The following PSMD6 variants were observed in gnomAD, a reference collection of about 807,000 sequenced individuals.
PSMD6 encodes the protein proteasome 26S subunit, non-ATPase 6.
A neutral mutation model predicts 44.9 loss-of-function variants in PSMD6; 7 were observed. The ratio of observed to expected loss-of-function variants is 0.16; its 90% CI spans 0.09 to 0.29. The LOEUF (loss-of-function observed/expected upper bound fraction) is 0.29, where lower values mean the gene tolerates loss of function less well. Ranked by LOEUF, PSMD6 falls within the 10% of genes least tolerant of loss-of-function variation. PSMD6 has a pLI of 1.00. For missense variants in PSMD6, 420 were observed against 482.6 expected (o/e 0.87, Z 1.21); for synonymous variants, 184 against 172.7 (o/e 1.07, Z -0.51).
chr3:64,023,816 G>GGAC, upstream of PSMD6: 1 of 1,479,222 alleles, frequency 6.8e-7, no homozygotes, highest in Non-Finnish European at 9.1e-7. Flanking sequence ...ATAGTTTGTC[G>GGAC]AGTCGTTACT....
chr3:64,010,990 T>TA, intron 6 of PSMD6, 35 bp from the exon 7 acceptor site: 2 of 1,506,262 alleles, frequency 1.3e-6, no homozygotes, highest in South Asian at 2.4e-5. Flanking sequence ...GAATTAGCTT[T>TA]ATAGAAAATT....
intron 2 of PSMD6, 172 bp from the exon 3 acceptor site, chr3:64,019,613 A>T (rs1202865975): frequency 1.4e-5 from 8 of 572,450 alleles, no homozygotes; most frequent in Non-Finnish European, 8.6e-6. Context: ...ACAAGGGTTT[A>T]TTATTCTACT....
intron 6 of PSMD6, chr3:64,011,825 C>T (rs565999558): frequency 6.6e-6 from 1 of 152,374 alleles, no homozygotes; most frequent in African/African-American, 2.4e-5. Flanking sequence ...GTAACCTGAC[C>T]AAGGCCACAG....
intron 5 of PSMD6, 144 bp downstream of exon 5, chr3:64,018,455 G>T: frequency 1.7e-6 from 1 of 594,784 alleles, no homozygotes; most frequent in Non-Finnish European, 2.9e-6. Flanking sequence ...ACAAAACTGG[G>T]CACATTAGGA....
intron 1 of PSMD6, 44 bp from the exon 2 acceptor site, chr3:64,022,567 C>T (rs773642047): frequency 6.2e-7 from 1 of 1,609,110 alleles, no homozygotes; most frequent in South Asian, 1.1e-5. Flanking sequence ...ACACTTGTGC[C>T]CTCAAGTCAA....
intron 2 of PSMD6, among the ~76,000 whole-genome samples, chr3:64,021,014 T>A (rs1206628910): frequency 6.6e-6 from 1 of 152,046 alleles, no homozygotes. Context: ...TCTGGTGCCC[T>A]GATGGTGGAG....
At chr3:64,023,593 G>C (rs550059058), upstream of PSMD6, 1 of 1,411,260 alleles carries the variant, frequency 7.1e-7, no homozygotes, top group African/African-American at 1.5e-5. Context: ...CCCGGCCTGG[G>C]CGCCTGCGCC....
At chr3:64,020,689 T>C (rs1280448823) in intron 2 of PSMD6, among the ~76,000 whole-genome samples, 1 of 152,228 alleles carries the variant, frequency 6.6e-6, no homozygotes. Context: ...AGGCACTTAC[T>C]ATGTGCTAGG....
At chr3:64,023,590 T>C (rs1452233606), upstream of PSMD6, 3 of 1,412,712 alleles carry the variant, frequency 2.1e-6, no homozygotes, top group Non-Finnish European at 2.8e-6. Flanking sequence ...TCACCCGGCC[T>C]GGGCGCCTGC....
chr3:64,012,163 G>A (rs1027846904), intron 6 of PSMD6: 1 of 134,398 alleles, frequency 7.4e-6, no homozygotes, highest in Non-Finnish European at 1.6e-5. Flanking sequence ...ATGTTAAAAT[G>A]TACTGTACAA....
At chr3:64,023,889 G>A, upstream of PSMD6, 2 of 1,399,706 alleles carry the variant, frequency 1.4e-6, no homozygotes, top group Non-Finnish European at 1.9e-6. Flanking sequence ...TATTTAGTAG[G>A]TAAGACAAAT....
At chr3:64,020,079 T>C (rs1195841645) in intron 2 of PSMD6, among the ~76,000 whole-genome samples, 1 of 152,228 alleles carries the variant, frequency 6.6e-6, no homozygotes, top group East Asian at 1.9e-4. Flanking sequence ...CCAGGGATCC[T>C]AGGAGAAATA....
intron 6 of PSMD6, 200 bp from the exon 7 acceptor site, chr3:64,011,155 A>T: frequency 2.2e-6 from 1 of 462,544 alleles, no homozygotes; most frequent in South Asian, 3.9e-5. Flanking sequence ...ACATGATCCT[A>T]GAAGTTCATA....
At chr3:64,023,191 C>A in intron 1 of PSMD6, 84 bp downstream of exon 1, 1 of 1,464,216 alleles carries the variant, frequency 6.8e-7, no homozygotes, top group Non-Finnish European at 9.0e-7. Flanking sequence ...GTCTGGAGCT[C>A]CATCAAAAAA....
chr3:64,018,894 A>G lies in PSMD6; in HGVS notation c.641T>C (p.Met214Thr). 5 of 1,597,838 alleles carry G rather than the reference A, an allele frequency of 3.1e-6. No individual in the cohort carries two copies. Among genetic ancestry groups the G allele is most frequent in the Non-Finnish European group, 4.3e-6 (5 of 1,165,234 alleles). Residue 214 changes from methionine to threonine, a missense_variant, in exon 4 of 8, where the codon ATG becomes ACG. Physicochemically the swap from Met to Thr is moderately conservative, Grantham distance 81. Around this residue, in one of 4 missense-constraint regions of PSMD6, gnomAD observed 216 missense variants for 227.0 expected, o/e 0.95. Transcript: ENST00000295901. Reference protein sequence around the residue: ...TVSTFTSYELMDYKTFVTYTV... With the variant: ...TVSTFTSYELTDYKTFVTYTV... ...ATAAGTCACAAATGTTTTATAATCCATGAGTTCATAGGATGTAAATGTTGA... is the reference window on the plus strand; with the variant it reads ...ATAAGTCACAAATGTTTTATAATCCGTGAGTTCATAGGATGTAAATGTTGA...
chr3:64,018,788 T>C, intron 4 of PSMD6, 30 bp downstream of exon 4: 1 of 1,539,592 alleles, frequency 6.5e-7, no homozygotes, highest in Non-Finnish European at 8.9e-7. Flanking sequence ...AACAAGTCTT[T>C]AAATTTGAGT....
chr3:64,022,515 G>A lies in PSMD6; in HGVS notation c.154C>T (p.Pro52Ser), dbSNP rs759834932. ...MAAVRDNNMAPYYEALCKSLD... is the reference protein window; with the variant it reads ...MAAVRDNNMASYYEALCKSLD... Reference sequence around the variant, plus strand: ...GATTTGCACAAGGCTTCATAGTAAGGAGCCATGTCTAACATGCAAAAAGAG... The same window carrying A: ...GATTTGCACAAGGCTTCATAGTAAGAAGCCATGTCTAACATGCAAAAAGAG... Residue 52 changes from proline to serine, a missense_variant, in exon 2 of 8, where the codon CCT (proline) becomes TCT (serine). By Grantham distance (74) the Pro-to-Ser change is moderately conservative. Around this residue, in one of 4 missense-constraint regions of PSMD6, gnomAD observed 136 missense variants for 124.2 expected, o/e 1.09. Coordinates refer to ENST00000295901, the MANE Select transcript of PSMD6 (RefSeq NM_014814.3). 2.5e-6 allele frequency: 4 copies of A among 1,613,364 alleles called. No individual in the cohort carries two copies. In the Admixed American group the frequency reaches 5.0e-5, roughly 20 times the overall value.
intron 2 of PSMD6, 85 bp from the exon 3 acceptor site, chr3:64,019,526 G>C (rs2076097638): frequency 1.4e-6 from 2 of 1,433,080 alleles, no homozygotes; most frequent in Non-Finnish European, 1.9e-6. Context: ...TTCTTCAAAG[G>C]TTGAGGGAAG....
intron 6 of PSMD6, chr3:64,012,222 A>G (rs1048234796): frequency 7.2e-5 from 11 of 152,172 alleles, no homozygotes; most frequent in African/African-American, 2.7e-4. Context: ...AAATACTAGA[A>G]AGAGAATGGT....
Sources: gnomAD v4.1 joint callset for allele counts (sites outside exome capture counted in the v4.1 genomes callset) on GRCh38, gnomAD v4.1.1 for gene constraint, gnomAD v4.1.1 regional missense constraint, MANE v1.5 for transcripts, NCBI Gene and HGNC (gene_info 2026-07-23, HGNC 2026-07-21) for gene names.